MAGI2: variants seen among roughly 807,000 people sequenced by gnomAD.
MAGI2 encodes membrane-associated guanylate kinase, WW and PDZ domain-containing protein 2.
In MAGI2, 35 loss-of-function variants were observed where a neutral mutation model predicts 133.3. The observed-to-expected ratio is 0.26, with a 90% CI of 0.20 to 0.35. The LOEUF (loss-of-function observed/expected upper bound fraction) is 0.35. Ranked by LOEUF, MAGI2 falls within the 10% of genes least tolerant of loss-of-function variation. The probability of loss-of-function intolerance (pLI) is 1.00; values close to 1 mark genes in which losing one functional copy is unlikely to be tolerated. For synonymous variants in MAGI2, 729 were observed against 710.6 expected, an observed-to-expected ratio of 1.03 and a Z score of -0.41; for missense variants, 1,636 against 1,863.4, an observed-to-expected ratio of 0.88 and a Z score of 2.25.
At position 78,136,972 on chromosome 7, in the gene MAGI2, A is replaced by G. The variant is rs1268543986; in HGVS notation, c.2846-1766T>C. Among the ~76,000 whole-genome samples, 9 of 152,380 alleles carry G rather than the reference A, an allele frequency of 5.9e-5. No individual in the cohort carries two copies. In the East Asian group the frequency reaches 1.7e-3, roughly 29 times the overall value. ...ATGTTGGAAACTAAAACATGTTTTTATATACCATAAGCACTAATGGCTTCA... is the reference window on the plus strand; with the variant it reads ...ATGTTGGAAACTAAAACATGTTTTTGTATACCATAAGCACTAATGGCTTCA... On this transcript the variant is annotated intron_variant, in intron 16 of 21. Coordinates refer to ENST00000354212, the MANE Select transcript of MAGI2 (RefSeq NM_012301.4).
At chr7:78,935,839 T>A (rs1345018014) in intron 2 of MAGI2, among the ~76,000 whole-genome samples, 1 of 152,096 alleles carries the variant, frequency 6.6e-6, no homozygotes, top group Non-Finnish European at 1.5e-5. Context: ...TTCTCTTGAG[T>A]GTGCTCAAGT....
intron 20 of MAGI2, among the ~76,000 whole-genome samples, chr7:78,096,795 G>C (rs1817730715): frequency 6.6e-6 from 1 of 152,056 alleles, no homozygotes; most frequent in Non-Finnish European, 1.5e-5. Flanking sequence ...TATAGAAAAA[G>C]TTTGCCCAAA....
chr7:78,700,136 T>C (rs1817918111), intron 2 of MAGI2, among the ~76,000 whole-genome samples: 1 of 152,132 alleles, frequency 6.6e-6, no homozygotes, highest in Non-Finnish European at 1.5e-5. Flanking sequence ...AAATAACAGA[T>C]TTATTTTGCT....
At chr7:78,828,704 T>C (rs912646567) in intron 2 of MAGI2, among the ~76,000 whole-genome samples, 3 of 152,194 alleles carry the variant, frequency 2.0e-5, no homozygotes, top group Non-Finnish European at 4.4e-5. Context: ...ACTTGTGATG[T>C]ATGATGTAAA....
chr7:78,947,469 G>A (rs1801513568), intron 2 of MAGI2, among the ~76,000 whole-genome samples: 1 of 152,080 alleles, frequency 6.6e-6, no homozygotes. Flanking sequence ...AGTTACAGTG[G>A]ATGATATAAT....
At chr7:78,697,070 C>G (rs1817595967) in intron 2 of MAGI2, among the ~76,000 whole-genome samples, 1 of 152,184 alleles carries the variant, frequency 6.6e-6, no homozygotes, top group Non-Finnish European at 1.5e-5. Context: ...CAAGGTGAAA[C>G]TATAATTTGC....
chr7:79,237,696 T>A (rs1832049313), intron 1 of MAGI2, among the ~76,000 whole-genome samples: 1 of 152,206 alleles, frequency 6.6e-6, no homozygotes, highest in Admixed American at 6.5e-5. Flanking sequence ...TCACTTAACG[T>A]GAGCATTTTA....
intron 6 of MAGI2, among the ~76,000 whole-genome samples, chr7:78,436,919 A>C (rs748181808): frequency 2.6e-5 from 4 of 152,168 alleles, no homozygotes; most frequent in Non-Finnish European, 5.9e-5. Flanking sequence ...TGGAAATGGC[A>C]TTTAGGAACC....
chr7:78,991,992 G>A (rs553323335), intron 2 of MAGI2, among the ~76,000 whole-genome samples: 1 of 152,100 alleles, frequency 6.6e-6, no homozygotes, highest in Admixed American at 6.6e-5. Context: ...GAGCAGGGGT[G>A]AGCAAAATTC....
intron 2 of MAGI2, among the ~76,000 whole-genome samples, chr7:78,837,196 C>T (rs1276227209): frequency 6.6e-6 from 1 of 152,150 alleles, no homozygotes; most frequent in Non-Finnish European, 1.5e-5. Flanking sequence ...GCTGTACCCT[C>T]AGCCGCCCAA....
At chr7:78,915,443 T>C (rs1798713245) in intron 2 of MAGI2, among the ~76,000 whole-genome samples, 1 of 152,070 alleles carries the variant, frequency 6.6e-6, no homozygotes, top group South Asian at 2.1e-4. Context: ...AAAAGATGCA[T>C]ATAAATAAAA....
chr7:78,315,438 T>C (rs1313519619), intron 9 of MAGI2, among the ~76,000 whole-genome samples: 2 of 152,204 alleles, frequency 1.3e-5, no homozygotes, highest in African/African-American at 4.8e-5. Context: ...CTGCTGTCTA[T>C]AGAATTTAGT....
At chr7:78,028,543 C>G (rs2471575) in intron 21 of MAGI2, among the ~76,000 whole-genome samples, 138,956 of 152,190 alleles carry the variant, frequency 0.91, 63,586 homozygotes, top group East Asian at 1. Context: ...TTTAATCCTC[C>G]TAACAGTTCA....
chr7:78,136,106 T>C (rs1822090790), intron 16 of MAGI2, among the ~76,000 whole-genome samples: 2 of 142,778 alleles, frequency 1.4e-5, no homozygotes, highest in South Asian at 4.5e-4. Context: ...TACACTTCTT[T>C]TCTTTCTTTC....
intron 21 of MAGI2, among the ~76,000 whole-genome samples, chr7:78,044,701 G>T (rs1293852508): frequency 9.8e-6 from 1 of 101,610 alleles, no homozygotes; most frequent in Non-Finnish European, 2.1e-5. Context: ...GTGTGTGTGT[G>T]TGTGCACGTG....
intron 1 of MAGI2, among the ~76,000 whole-genome samples, chr7:79,147,040 A>G (rs1051852583): frequency 3.3e-5 from 5 of 152,212 alleles, no homozygotes; most frequent in African/African-American, 1.2e-4. Context: ...CTGAGTTCAT[A>G]TCTCAGGTCT....
At chr7:78,364,814 T>C (rs6466170) in intron 7 of MAGI2, among the ~76,000 whole-genome samples, 87,455 of 152,098 alleles carry the variant, frequency 0.57, 25,640 homozygotes, top group Middle Eastern at 0.67. Context: ...CCATTTTGCA[T>C]ATTGTTATTA....
At chr7:78,324,727 G>T (rs1018589777) in intron 9 of MAGI2, among the ~76,000 whole-genome samples, 1 of 152,082 alleles carries the variant, frequency 6.6e-6, no homozygotes, top group Non-Finnish European at 1.5e-5. Flanking sequence ...TTGGGAGGCC[G>T]AGGCTGGTGG....
In MAGI2 at chr7:78,400,276, C is replaced by A. The variant is rs146308048; in HGVS notation, c.1046-31063G>T. On this transcript the variant is annotated intron_variant, in intron 6 of 21. Coordinates refer to ENST00000354212, the MANE Select transcript of MAGI2 (RefSeq NM_012301.4). Reference sequence around the variant, plus strand: ...GTCCGTTGTGACTGGAGGCTTTCTACTTAAACTCAGCAGCAGCAGAAAACA... The same window carrying A: ...GTCCGTTGTGACTGGAGGCTTTCTAATTAAACTCAGCAGCAGCAGAAAACA... Among the ~76,000 whole-genome samples, 671 of 152,268 alleles carry A rather than the reference C, an allele frequency of 4.4e-3. 10 individuals carry two copies. The highest frequency in any genetic ancestry group is 8.6e-3 in the African/African-American group (359 of 41,560).
Sources: gnomAD v4.1 joint callset for allele counts (sites outside exome capture counted in the v4.1 genomes callset) on GRCh38, gnomAD v4.1.1 for gene constraint, MANE v1.5 for transcripts, NCBI Gene and HGNC (gene_info 2026-07-23, HGNC 2026-07-21) for gene names.